Variants in MOCOS observed in about 807,000 individuals in gnomAD.
The protein encoded by MOCOS is human molybdenum cofactor sulfurase.
In MOCOS, 86 loss-of-function variants were observed where a neutral mutation model predicts 83.6. The ratio of observed to expected loss-of-function variants is 1.03; its 90% confidence interval spans 0.86 to 1.23. The LOEUF is 1.23. Among genes scored for constraint, MOCOS ranks in the 50% most tolerant of loss-of-function variants. The probability of loss-of-function intolerance (pLI) is 0.00; values close to 1 mark genes in which losing one functional copy is unlikely to be tolerated. For missense variants in MOCOS, 1,120 were observed against 1,126.9 expected, an observed-to-expected ratio of 0.99 and a Z score of 0.09; for synonymous variants, 445 against 434.7, an observed-to-expected ratio of 1.02 and a Z score of -0.29.
intron 9 of MOCOS, among the ~76,000 whole-genome samples, chr18:36,230,551 T>C (rs680097): frequency 0.056 from 8,500 of 152,256 alleles, 322 homozygotes; most frequent in Non-Finnish European, 0.085. Context: ...GCTTATGGTG[T>C]GATGAGCACT....
At chr18:36,267,044 C>CTT (rs35874544) in intron 14 of MOCOS, among the ~76,000 whole-genome samples, 191 bp downstream of exon 14, 48 of 151,850 alleles carry the variant, frequency 3.2e-4, no homozygotes, top group Middle Eastern at 3.4e-3. Context: ...CAAGTTCTCA[C>CTT]TTTTTTTTGT....
In MOCOS at chr18:36,260,036, G is replaced by A. The variant is rs1262090219; in HGVS notation, c.2271-1G>A. On this transcript the variant is annotated splice_acceptor_variant, in intron 12 of 14. Transcript: ENST00000261326. LOFTEE classifies it high-confidence loss of function. The stretch of plus-strand genomic sequence containing the variant: ...TTACTCTTTTTGGTTGCTTTAATCA[G>A]TGATGAGAATGGAAAGGAGGAATTA... 9 of 1,614,170 alleles carry A rather than the reference G, an allele frequency of 5.6e-6. No homozygotes were observed. The highest frequency in any genetic ancestry group is 5.9e-6 in the Non-Finnish European group (7 of 1,180,010).
intron 11 of MOCOS, chr18:36,256,735 C>A: frequency 2.2e-6 from 1 of 457,712 alleles, no homozygotes; most frequent in South Asian, 2.1e-5. Flanking sequence ...TGTGCCCAGC[C>A]CTTATTGTTA....
chr18:36,214,264 A>G (rs2091467215), intron 7 of MOCOS, among the ~76,000 whole-genome samples: 4 of 29,204 alleles, frequency 1.4e-4, no homozygotes, highest in Non-Finnish European at 7.6e-4. Flanking sequence ...AAAAAAAAAG[A>G]AAAGAAAAAA....
intron 1 of MOCOS, among the ~76,000 whole-genome samples, chr18:36,188,528 C>A (rs1488472744): frequency 6.6e-6 from 1 of 152,210 alleles, no homozygotes; most frequent in East Asian, 1.9e-4. Flanking sequence ...CCCAGGGCCG[C>A]GTGCCGGATG....
chr18:36,201,524 T>C (rs183549271), intron 4 of MOCOS, among the ~76,000 whole-genome samples: 10 of 151,828 alleles, frequency 6.6e-5, no homozygotes, highest in Admixed American at 5.2e-4. Context: ...TAGCTGAGTG[T>C]GGTGGTGGGT....
At chr18:36,210,780 G>T (rs2091451798) in intron 6 of MOCOS, among the ~76,000 whole-genome samples, 1 of 142,746 alleles carries the variant, frequency 7.0e-6, no homozygotes, top group Non-Finnish European at 1.5e-5. Context: ...GAACCCGAGA[G>T]GTGGAAGTTG....
At chr18:36,214,539 G>GT (rs1429768542) in intron 7 of MOCOS, among the ~76,000 whole-genome samples, 1 of 152,056 alleles carries the variant, frequency 6.6e-6, no homozygotes, top group Non-Finnish European at 1.5e-5. Flanking sequence ...CTGGGCTGAG[G>GT]TTTTTCACTT....
chr18:36,211,859 G>A, intron 6 of MOCOS, among the ~76,000 whole-genome samples: 1 of 151,384 alleles, frequency 6.6e-6, no homozygotes, highest in East Asian at 1.9e-4. Context: ...CTAACAGAGT[G>A]CCGGGAGGAT....
intron 1 of MOCOS, among the ~76,000 whole-genome samples, chr18:36,191,091 C>G (rs2091364342): frequency 6.6e-6 from 1 of 151,464 alleles, no homozygotes; most frequent in Admixed American, 6.6e-5. Context: ...CTCTCTCTGT[C>G]TCTCTCTGTC....
At chr18:36,254,922 C>T (rs192199691) in intron 11 of MOCOS, among the ~76,000 whole-genome samples, 32 of 152,068 alleles carry the variant, frequency 2.1e-4, no homozygotes, top group Admixed American at 1.6e-3. Flanking sequence ...GATGGGGTTT[C>T]GCCATGTTGC....
chr18:36,238,748 A>G (rs2091569294), intron 9 of MOCOS, among the ~76,000 whole-genome samples: 3 of 108,754 alleles, frequency 2.8e-5, no homozygotes, highest in African/African-American at 8.5e-5. Flanking sequence ...AAAGTCTCCC[A>G]TTATTAATGT....
chr18:36,261,084 G>A (rs747716853), intron 13 of MOCOS, among the ~76,000 whole-genome samples: 1 of 152,080 alleles, frequency 6.6e-6, no homozygotes, highest in Non-Finnish European at 1.5e-5. Context: ...CAGAGTCAGT[G>A]CTCAATAAGT....
intron 2 of MOCOS, among the ~76,000 whole-genome samples, chr18:36,196,013 G>T (rs765968396): frequency 2.2e-4 from 33 of 152,184 alleles, no homozygotes; most frequent in Non-Finnish European, 4.0e-4. Context: ...AGCAGGCAGG[G>T]TAACAGCCTG....
Position 36,200,226 on chromosome 18 carries a change from G to C in MOCOS, c.843G>C (p.Ala281=). 1 of 1,614,168 alleles carries C rather than the reference G, an allele frequency of 6.2e-7. No homozygotes were observed. The highest frequency in any genetic ancestry group is 8.5e-7 in the Non-Finnish European group (1 of 1,180,022). The change falls in exon 4 of 15, where the codon GCG becomes GCC. Residue 281 remains alanine, a synonymous_variant. Transcript: ENST00000261326. The part of the protein sequence containing the change: ...GLGALLVHNR[A]APLLRKTYFG... Reference sequence around the variant, plus strand: ...GCGCTCTGCTGGTCCATAATCGTGCGGCTCCTCTACTGAGGAAGACCTACT... The same window carrying C: ...GCGCTCTGCTGGTCCATAATCGTGCCGCTCCTCTACTGAGGAAGACCTACT...
intron 1 of MOCOS, among the ~76,000 whole-genome samples, chr18:36,193,909 TGAATG>T (rs2091376570): frequency 6.6e-6 from 1 of 151,616 alleles, no homozygotes; most frequent in African/African-American, 2.4e-5. Context: ...CCTCAGTAGA[TGAATG>T]GATAAAATGT....
At chr18:36,213,131 C>A (rs181333359) in intron 6 of MOCOS, among the ~76,000 whole-genome samples, 5 of 152,200 alleles carry the variant, frequency 3.3e-5, no homozygotes, top group Admixed American at 2.6e-4. Flanking sequence ...TAACACTTCG[C>A]GGGGCCTGCT....
At chr18:36,190,797 G>C (rs971015669) in intron 1 of MOCOS, among the ~76,000 whole-genome samples, 1 of 151,760 alleles carries the variant, frequency 6.6e-6, no homozygotes, top group Non-Finnish European at 1.5e-5. Flanking sequence ...CTTTGGCCAG[G>C]TGCAGTGGCT....
In MOCOS at chr18:36,198,746, G is replaced by C. The variant is rs150451100; in HGVS notation, c.289G>C (p.Val97Leu). 17 of 1,614,050 alleles carry C rather than the reference G, an allele frequency of 1.1e-5. No individual in the cohort carries two copies. Among genetic ancestry groups the C allele is most frequent in the Non-Finnish European group, 1.4e-5 (16 of 1,180,022 alleles). Reference protein sequence around the residue: ...SKLTHDTVEQVRYRILAHFHT... With the variant: ...SKLTHDTVEQLRYRILAHFHT... ...GCTCACCCATGACACTGTGGAGCAGGTGCGCTACAGGTAAGCATCAGGGAC... is the reference window on the plus strand; with the variant it reads ...GCTCACCCATGACACTGTGGAGCAGCTGCGCTACAGGTAAGCATCAGGGAC... Residue 97 changes from valine (V) to leucine (L), a missense_variant, in exon 3 of 15, where the codon GTG (valine) becomes CTG (leucine). Coordinates refer to ENST00000261326, the MANE Select transcript of MOCOS (RefSeq NM_017947.4).
Sources: gnomAD v4.1 joint callset for allele counts (sites outside exome capture counted in the v4.1 genomes callset) on GRCh38, gnomAD v4.1.1 for gene constraint, MANE v1.5 for transcripts, NCBI Gene and HGNC (gene_info 2026-07-23, HGNC 2026-07-21) for gene names.